The following DLGAP2 variants were observed in gnomAD, a reference collection of about 807,000 sequenced individuals.
The protein encoded by DLGAP2 is DLG associated protein 2, also known as disks large-associated protein 2.
A neutral mutation model predicts 100.3 loss-of-function variants in DLGAP2; 26 were observed. That is an observed-to-expected ratio of 0.26 (90% confidence interval 0.19 to 0.36). DLGAP2 has a LOEUF of 0.36. DLGAP2 is among the 10% of genes least tolerant of loss of function. The pLI is 1.00. For missense variants in DLGAP2, 1,858 were observed against 1,453.2 expected (o/e 1.28, Z -4.53); for synonymous variants, 886 against 630.1 (o/e 1.41, Z -6.08).
intron 2 of DLGAP2, among the ~76,000 whole-genome samples, chr8:1,233,267 C>T (rs1206000588): frequency 6.6e-6 from 1 of 152,216 alleles, no homozygotes; most frequent in Non-Finnish European, 1.5e-5. Flanking sequence ...TTTGTGTGAG[C>T]ATCCTGGATG....
intron 3 of DLGAP2, among the ~76,000 whole-genome samples, chr8:1,424,120 C>T (rs544823027): frequency 8.5e-5 from 13 of 152,332 alleles, no homozygotes; most frequent in South Asian, 4.1e-4. Flanking sequence ...TGAACTAAAG[C>T]GGGCTCCACA....
intron 3 of DLGAP2, among the ~76,000 whole-genome samples, chr8:1,362,859 T>C (rs1042043053): frequency 2.0e-5 from 3 of 152,208 alleles, no homozygotes; most frequent in African/African-American, 7.2e-5. Flanking sequence ...CGTTTCAAAG[T>C]CAGTGGCTAG....
intron 2 of DLGAP2, among the ~76,000 whole-genome samples, chr8:1,065,791 C>A (rs758282567): frequency 2.6e-5 from 4 of 152,202 alleles, no homozygotes; most frequent in Non-Finnish European, 4.4e-5. Context: ...ACTGTCGAAG[C>A]CCCCAAATAG....
chr8:1,282,075 A>G (rs1799826390), intron 3 of DLGAP2, among the ~76,000 whole-genome samples: 1 of 100,420 alleles, frequency 1.0e-5, no homozygotes, highest in African/African-American at 4.5e-5. Context: ...CAGCACATGA[A>G]CCATCCGGAC....
chr8:1,369,361 C>T (rs546943938), intron 3 of DLGAP2: 1 of 152,426 alleles, frequency 6.6e-6, no homozygotes, highest in African/African-American at 2.4e-5. Context: ...ATGGTCATCC[C>T]TCTGTGTGTG....
chr8:816,043 G>T (rs560624040), intron 1 of DLGAP2, among the ~76,000 whole-genome samples: 64 of 152,210 alleles, frequency 4.2e-4, no homozygotes, highest in African/African-American at 1.5e-3. Flanking sequence ...GCTTGCTTTT[G>T]ATGTCCATTT....
chr8:1,593,131 A>T (rs1268521326), intron 6 of DLGAP2, among the ~76,000 whole-genome samples: 1 of 152,148 alleles, frequency 6.6e-6, no homozygotes, highest in Non-Finnish European at 1.5e-5. Context: ...CCGTTCAACA[A>T]TGATTTGTGG....
rs1428466001 is a variant in DLGAP2, at chr8:1,121,003, C to A, written c.74-137848C>A. ...CCCTTCAGAACCCAAGACCTCCCAT[C>A]CTTATCCCTTTAGAACCCCTGGCCA... On this transcript the variant is annotated intron_variant, in intron 2 of 14. Transcript: ENST00000637795. 2.6e-5 allele frequency among the ~76,000 whole-genome samples: 4 copies of A among 151,488 alleles called. No homozygotes were observed. In the East Asian group the frequency reaches 7.9e-4, roughly 30 times the overall value.
At chr8:1,066,577 A>G (rs1803260970) in intron 2 of DLGAP2, among the ~76,000 whole-genome samples, 1 of 149,524 alleles carries the variant, frequency 6.7e-6, no homozygotes, top group Non-Finnish European at 1.5e-5. Flanking sequence ...GAGTGAGGGC[A>G]GCTCCCCACC....
At chr8:1,257,711 G>A (rs975844326) in intron 2 of DLGAP2, among the ~76,000 whole-genome samples, 4 of 151,130 alleles carry the variant, frequency 2.6e-5, no homozygotes, top group South Asian at 2.1e-4. Flanking sequence ...TGGAAGAGCC[G>A]GTGTCCTCCC....
At chr8:1,062,601 C>G (rs1803119366) in intron 2 of DLGAP2, among the ~76,000 whole-genome samples, 1 of 152,174 alleles carries the variant, frequency 6.6e-6, no homozygotes, top group African/African-American at 2.4e-5. Flanking sequence ...TAGTTAATCC[C>G]AATAGCCGCT....
chr8:1,343,269 G>C (rs1442934032), intron 3 of DLGAP2, among the ~76,000 whole-genome samples: 4 of 152,218 alleles, frequency 2.6e-5, no homozygotes, highest in Non-Finnish European at 5.9e-5. Flanking sequence ...GCTCAGGACA[G>C]ACCAGGCCTG....
chr8:849,683 C>T (rs1280114603), intron 1 of DLGAP2, among the ~76,000 whole-genome samples: 3 of 152,180 alleles, frequency 2.0e-5, no homozygotes, highest in Non-Finnish European at 2.9e-5. Flanking sequence ...GGTTTTACTG[C>T]ATTTCCCCTG....
At chr8:750,024 GC>G (rs1280319370) in intron 1 of DLGAP2, among the ~76,000 whole-genome samples, 1 of 152,178 alleles carries the variant, frequency 6.6e-6, no homozygotes, top group Non-Finnish European at 1.5e-5. Flanking sequence ...TGCGGTCAGG[GC>G]CCACTCAGAA....
intron 2 of DLGAP2, among the ~76,000 whole-genome samples, chr8:957,440 G>C (rs997658376): frequency 6.6e-6 from 1 of 152,190 alleles, no homozygotes; most frequent in East Asian, 1.9e-4. Flanking sequence ...TTTTTCACCC[G>C]TGACTCCATT....
intron 3 of DLGAP2, among the ~76,000 whole-genome samples, chr8:1,295,512 G>T (rs1310684951): frequency 6.6e-6 from 1 of 152,170 alleles, no homozygotes; most frequent in Non-Finnish European, 1.5e-5. Context: ...GTGATCTGCT[G>T]GAGCACCCCA....
At chr8:831,562 T>C (rs1312914096) in intron 1 of DLGAP2, among the ~76,000 whole-genome samples, 1 of 152,206 alleles carries the variant, frequency 6.6e-6, no homozygotes, top group African/African-American at 2.4e-5. Flanking sequence ...TTTTAATGGC[T>C]GCATAATATT....
intron 2 of DLGAP2, among the ~76,000 whole-genome samples, chr8:1,194,513 G>C (rs746327817): frequency 1.3e-5 from 2 of 152,080 alleles, no homozygotes; most frequent in Non-Finnish European, 2.9e-5. Flanking sequence ...GGTCCCTCTG[G>C]GTCACTCCTT....
At chr8:1,174,099 G>C (rs567038277) in intron 2 of DLGAP2, among the ~76,000 whole-genome samples, 1 of 152,206 alleles carries the variant, frequency 6.6e-6, no homozygotes, top group Non-Finnish European at 1.5e-5. Flanking sequence ...GTGTTAAACA[G>C]TGACAGAGGG....
Sources: gnomAD v4.1 joint callset for allele counts (sites outside exome capture counted in the v4.1 genomes callset) on GRCh38, gnomAD v4.1.1 for gene constraint, MANE v1.5 for transcripts, NCBI Gene and HGNC (gene_info 2026-07-23, HGNC 2026-07-21) for gene names.